SGCZ: variants seen among roughly 807,000 people sequenced by gnomAD.
SGCZ encodes zeta-sarcoglycan.
In SGCZ, 40 loss-of-function variants were observed where a neutral mutation model predicts 41.3. The ratio of observed to expected loss-of-function variants is 0.97; its 90% confidence interval spans 0.75 to 1.26. The LOEUF is 1.26. SGCZ is among the 50% of genes most tolerant of loss of function. The pLI, the probability that SGCZ is intolerant of heterozygous loss-of-function variation, is 0.00. For synonymous variants in SGCZ, 206 were observed against 137.5 expected, an observed-to-expected ratio of 1.50 and a Z score of -3.49; for missense variants, 552 against 369.8, an observed-to-expected ratio of 1.49 and a Z score of -4.04.
chr8:14,971,109 T>G (rs1315137697), intron 1 of SGCZ, among the ~76,000 whole-genome samples: 2 of 152,326 alleles, frequency 1.3e-5, no homozygotes, highest in East Asian at 3.9e-4. Flanking sequence ...TGATTCTGTA[T>G]ATCGATTTTT....
intron 1 of SGCZ, among the ~76,000 whole-genome samples, chr8:15,122,120 A>ACC (rs1395157744): frequency 6.6e-6 from 1 of 150,692 alleles, no homozygotes; most frequent in Non-Finnish European, 1.5e-5. Flanking sequence ...AATTCCAGAC[A>ACC]CCCCCCCACC....
intron 1 of SGCZ, among the ~76,000 whole-genome samples, chr8:15,086,761 G>C (rs1188175019): frequency 5.9e-5 from 9 of 151,886 alleles, no homozygotes; most frequent in Admixed American, 5.3e-4. Context: ...CAAATATAAG[G>C]ATTCTTTACA....
intron 1 of SGCZ, among the ~76,000 whole-genome samples, chr8:14,590,941 G>A (rs1439357337): frequency 1.3e-5 from 2 of 149,980 alleles, no homozygotes; most frequent in Non-Finnish European, 3.0e-5. Flanking sequence ...GCTATATAAT[G>A]TATATAATGT....
rs74615858 is a variant in SGCZ at position 15,198,496 on chromosome 8, G to C, written c.39+39089C>G. 2.5e-3 allele frequency among the ~76,000 whole-genome samples: 388 copies of C among 152,212 alleles called. 1 individual carries two copies. The highest frequency in any genetic ancestry group is 0.014 in the Middle Eastern group (4 of 294). ...TAGGAAATGAAAGTTTTTAAAAGTA[G>C]CACATCAATCTGGGATAATTCATGT... On this transcript the variant is annotated intron_variant, in intron 1 of 7. Transcript: ENST00000382080.
At chr8:14,458,479 G>C (rs934290732) in intron 2 of SGCZ, among the ~76,000 whole-genome samples, 1 of 152,160 alleles carries the variant, frequency 6.6e-6, no homozygotes, top group Non-Finnish European at 1.5e-5. Context: ...TACAGATAAT[G>C]AGATCTAGGT....
intron 1 of SGCZ, among the ~76,000 whole-genome samples, chr8:14,695,088 C>T (rs1040165671): frequency 6.6e-6 from 1 of 151,638 alleles, no homozygotes; most frequent in African/African-American, 2.4e-5. Context: ...GACTAATGTC[C>T]AAAGAAAATT....
intron 2 of SGCZ, among the ~76,000 whole-genome samples, chr8:14,530,291 G>A (rs10094933): frequency 0.53 from 81,057 of 151,682 alleles, 22,633 homozygotes; most frequent in African/African-American, 0.7. Context: ...AAATATAAGT[G>A]ATCTTATATG....
intron 5 of SGCZ, among the ~76,000 whole-genome samples, chr8:14,118,472 G>C (rs1165935803): frequency 2.0e-5 from 3 of 152,168 alleles, no homozygotes; most frequent in Admixed American, 2.0e-4. Context: ...CCCTTTGTCA[G>C]ATAAAGAGAT....
At position 14,154,628 on chromosome 8, in the gene SGCZ, C is replaced by T. The variant is rs558989303; in HGVS notation, c.547+9952G>A. Among the ~76,000 whole-genome samples the T allele has an allele frequency of 6.6e-5, 10 of 152,232 alleles. No individual in the cohort carries two copies. In the South Asian group the frequency reaches 1.7e-3, roughly 25 times the overall value. ...AAAATTGTTGTATATTCTTTGGGAC[C>T]TCATTCAAACTTTGCTAAATCTGAT... On this transcript the variant is annotated intron_variant, in intron 5 of 7. Coordinates refer to ENST00000382080, the MANE Select transcript of SGCZ (RefSeq NM_139167.4).
At chr8:14,428,085 G>A (rs913666805) in intron 2 of SGCZ, among the ~76,000 whole-genome samples, 9 of 150,102 alleles carry the variant, frequency 6.0e-5, no homozygotes, top group African/African-American at 2.2e-4. Flanking sequence ...CGCAGATACT[G>A]AAGAATGGTT....
intron 2 of SGCZ, among the ~76,000 whole-genome samples, chr8:14,335,002 T>C (rs575517086): frequency 6.6e-6 from 1 of 152,238 alleles, no homozygotes; most frequent in South Asian, 2.1e-4. Flanking sequence ...GAGCTGGGAC[T>C]GAGGAACTAT....
chr8:14,526,519 A>C (rs1802954874), intron 2 of SGCZ, among the ~76,000 whole-genome samples: 1 of 152,174 alleles, frequency 6.6e-6, no homozygotes, highest in African/African-American at 2.4e-5. Context: ...TTCAAAGTTA[A>C]AGCACACATT....
chr8:15,095,525 T>C (rs1461361023), intron 1 of SGCZ, among the ~76,000 whole-genome samples: 3 of 152,260 alleles, frequency 2.0e-5, no homozygotes, highest in African/African-American at 7.2e-5. Context: ...CATTTGAATG[T>C]ATTTGAATTC....
At chr8:14,133,672 T>A (rs575734801) in intron 5 of SGCZ, among the ~76,000 whole-genome samples, 25 of 152,326 alleles carry the variant, frequency 1.6e-4, no homozygotes, top group Middle Eastern at 3.4e-3. Context: ...CTATTTTTTT[T>A]AATCAGTGTT....
intron 1 of SGCZ, among the ~76,000 whole-genome samples, chr8:14,597,835 T>C (rs1805462647): frequency 6.6e-6 from 1 of 152,154 alleles, no homozygotes; most frequent in Admixed American, 6.5e-5. Context: ...AGCACCACAA[T>C]GTATAACAGT....
intron 1 of SGCZ, among the ~76,000 whole-genome samples, chr8:14,615,634 A>C (rs1417497859): frequency 1.3e-5 from 2 of 152,206 alleles, no homozygotes; most frequent in African/African-American, 4.8e-5. Context: ...GAACCCAGTA[A>C]GAGGTATGCT....
At chr8:14,097,344 C>T (rs1461837438) in intron 7 of SGCZ, among the ~76,000 whole-genome samples, 6 of 152,138 alleles carry the variant, frequency 3.9e-5, no homozygotes, top group Non-Finnish European at 8.8e-5. Context: ...GCCTTCACTT[C>T]GTGATTTACC....
At chr8:15,073,767 A>G (rs1805435072) in intron 1 of SGCZ, among the ~76,000 whole-genome samples, 1 of 152,160 alleles carries the variant, frequency 6.6e-6, no homozygotes, top group Admixed American at 6.6e-5. Flanking sequence ...GGCCCCCACA[A>G]CTGTTTGAGC....
At chr8:14,855,204 C>A (rs1296997821) in intron 1 of SGCZ, among the ~76,000 whole-genome samples, 1 of 152,000 alleles carries the variant, frequency 6.6e-6, no homozygotes, top group Non-Finnish European at 1.5e-5. Flanking sequence ...GGGATGCCAA[C>A]ATGTCCACCT....
Sources: gnomAD v4.1 joint callset for allele counts (sites outside exome capture counted in the v4.1 genomes callset) on GRCh38, gnomAD v4.1.1 for gene constraint, MANE v1.5 for transcripts, NCBI Gene and HGNC (gene_info 2026-07-23, HGNC 2026-07-21) for gene names.